Variants in SLN observed in about 807,000 individuals in gnomAD.
The protein encoded by SLN is sarcolipin.
For missense variants in SLN, 34 were observed against 37.4 expected (o/e 0.91, Z 0.24); for synonymous variants, 19 against 14.4 (o/e 1.32, Z -0.72).
intron 1 of SLN, among the ~76,000 whole-genome samples, chr11:107,711,718 A>G (rs1383977092): frequency 6.6e-6 from 1 of 152,146 alleles, no homozygotes; most frequent in Non-Finnish European, 1.5e-5. Context: ...TAGAAAAAAG[A>G]CCATCTTCCA....
intron 1 of SLN, among the ~76,000 whole-genome samples, chr11:107,710,983 C>A (rs1406773193): frequency 2.0e-5 from 3 of 152,076 alleles, no homozygotes; most frequent in African/African-American, 7.2e-5. Flanking sequence ...ACAAAAGAAA[C>A]AGAGAATATG....
rs939920966 is a variant in SLN at position 107,707,859 on chromosome 11, G to A, written c.72C>T (p.Leu24=). ...CTCAGTACTGATAGGACCTCACAAG[G>A]AGCCACATAAGAATAACCGTAATCA... ...IVLITVILMW[L]LVRSYQY Residue 24 remains leucine, a synonymous_variant, in exon 2 of 2, where the codon CTC becomes CTT. Coordinates refer to ENST00000305991, the MANE Select transcript of SLN (RefSeq NM_003063.3). 4.3e-6 allele frequency: 7 copies of A among 1,613,708 alleles called. No individual in the cohort carries two copies. Among genetic ancestry groups the A allele is most frequent in the African/African-American group, 1.3e-5 (1 of 74,886 alleles).
Position 107,708,002 on chromosome 11 carries a change from C to A in SLN, c.-72G>T. 1 of 941,770 alleles carries A rather than the reference C, an allele frequency of 1.1e-6. No individual in the cohort carries two copies. Among genetic ancestry groups the A allele is most frequent in the East Asian group, 2.4e-5 (1 of 41,792 alleles). The allele number at this position is 941,770 out of a possible 1,614,324, so 58.3% of individuals were successfully genotyped here. A position where few individuals can be genotyped will look rare whatever the true frequency, so the allele number is the denominator to read the frequency against. On this transcript the variant is annotated 5_prime_UTR_variant, in exon 2 of 2. Transcript: ENST00000305991. ...ACCAAGGACCTCTGGCTTCTCCTCA[C>A]CTCCTGATAAAACATAACAAAGAAA...
chr11:107,708,482 T>G (rs2135742329), intron 1 of SLN, among the ~76,000 whole-genome samples: 1 of 152,216 alleles, frequency 6.6e-6, no homozygotes, highest in South Asian at 2.1e-4. Context: ...ATTTTGGACT[T>G]GCCAGTCTCT....
chr11:107,707,780 T>C lies in SLN; in HGVS notation c.*55A>G, dbSNP rs1041123122. The stretch of plus-strand genomic sequence containing the variant: ...ATGACAGCAGTGGGGTCTCAGGGCA[T>C]AGAGCAGGCAGCTCCGGAGCATCTC... On this transcript the variant is annotated 3_prime_UTR_variant, in exon 2 of 2. Transcript: ENST00000305991. 7 of 1,339,290 alleles carry C rather than the reference T, an allele frequency of 5.2e-6. No homozygotes were observed. Among genetic ancestry groups the C allele is most frequent in the African/African-American group, 1.4e-5 (1 of 69,226 alleles). 83.0% of individuals were successfully genotyped at this position (1,339,290 alleles called of 1,614,324 possible).
At position 107,707,977 on chromosome 11, in the gene SLN, A is replaced by G. The variant is rs747240166; in HGVS notation, c.-47T>C. Reference sequence around the variant, plus strand: ...ACTGCAGGCAGATTTCTGAGGGCACACCAAGGACCTCTGGCTTCTCCTCAC... The same window carrying G: ...ACTGCAGGCAGATTTCTGAGGGCACGCCAAGGACCTCTGGCTTCTCCTCAC... On this transcript the variant is annotated 5_prime_UTR_variant, in exon 2 of 2. Coordinates refer to ENST00000305991, the MANE Select transcript of SLN (RefSeq NM_003063.3). The G allele has an allele frequency of 1.5e-6, 2 of 1,349,764 alleles. No individual in the cohort carries two copies. Among genetic ancestry groups the G allele is most frequent in the Non-Finnish European group, 2.1e-6 (2 of 938,618 alleles). 83.6% of individuals were successfully genotyped at this position (1,349,764 alleles called of 1,614,324 possible).
intron 1 of SLN, among the ~76,000 whole-genome samples, chr11:107,710,381 T>TA (rs1462774445): frequency 2.6e-5 from 4 of 152,148 alleles, no homozygotes; most frequent in Non-Finnish European, 5.9e-5. Context: ...ATGAGAAAAA[T>TA]ACTATTGAAA....
Position 107,707,872 on chromosome 11 carries a change from A to T in SLN, c.59T>A (p.Ile20Asn). Residue 20 changes from isoleucine to asparagine, a missense_variant, in exon 2 of 2, where the codon ATT becomes AAT. Ile to Asn is a moderately radical substitution (Grantham distance 149, BLOSUM62 -3). Transcript: ENST00000305991. The part of the protein sequence containing the change: ...LNFTIVLITV[I>N]LMWLLVRSYQ... ...GGACCTCACAAGGAGCCACATAAGA[A>T]TAACCGTAATCAAGACAATAGTGAA... 1 of 1,614,048 alleles carries T rather than the reference A, an allele frequency of 6.2e-7. No individual in the cohort carries two copies. The highest frequency in any genetic ancestry group is 8.5e-7 in the Non-Finnish European group (1 of 1,179,970).
At chr11:107,711,851 C>T (rs1867214231) in intron 1 of SLN, 112 bp downstream of exon 1, 1 of 152,114 alleles carries the variant, frequency 6.6e-6, no homozygotes, top group Non-Finnish European at 1.5e-5. Context: ...CATGCTGTAT[C>T]CAAGGGGCAT....
chr11:107,711,962 C>A lies in SLN; in HGVS notation c.-76+1G>T, dbSNP rs1867215082. ...GCTAAGCATAAAAATCCTGCAGTTA[C>A]CTGAAGAGGATCAAAGACACACCCT... On this transcript the variant is annotated splice_donor_variant, in intron 1 of 1. Transcript: ENST00000305991. LOFTEE classifies it low-confidence loss of function (5UTR_SPLICE). The A allele has an allele frequency of 6.6e-6, 1 of 152,092 alleles. No homozygotes were observed. The highest frequency in any genetic ancestry group is 1.5e-5 in the Non-Finnish European group (1 of 67,988). The allele number at this position is 152,092 out of a possible 1,614,324, so 9.4% of individuals were successfully genotyped here.
chr11:107,710,386 T>C (rs1867199502), intron 1 of SLN, among the ~76,000 whole-genome samples: 2 of 152,316 alleles, frequency 1.3e-5, no homozygotes, highest in South Asian at 4.1e-4. Context: ...AAAAATACTA[T>C]TGAAAGCTGT....
In SLN at chr11:107,709,227, G is replaced by T. The variant is rs1867185997; in HGVS notation, c.-75-1222C>A. Among the ~76,000 whole-genome samples the T allele has an allele frequency of 2.0e-5, 3 of 152,160 alleles. No homozygotes were observed. The South Asian group carries it at 6.2e-4, about 32-fold the overall frequency. On this transcript the variant is annotated intron_variant, in intron 1 of 1. Transcript: ENST00000305991. ...TGTCTTCAGTGAGATGGTGTAAATT[G>T]CACATTATTTATGCAGCCTAAATGA...
At chr11:107,711,131 T>G in intron 1 of SLN, among the ~76,000 whole-genome samples, 1 of 152,172 alleles carries the variant, frequency 6.6e-6, no homozygotes, top group East Asian at 1.9e-4. Flanking sequence ...TGATCAAGAA[T>G]GGGCTTCTGG....
At chr11:107,709,680 C>CA (rs34295984) in intron 1 of SLN, among the ~76,000 whole-genome samples, 27 of 149,800 alleles carry the variant, frequency 1.8e-4, no homozygotes, top group African/African-American at 5.1e-4. Flanking sequence ...GACCCTGTCT[C>CA]AAAAAAAAAT....
intron 1 of SLN, among the ~76,000 whole-genome samples, chr11:107,708,946 C>T (rs1173744710): frequency 6.6e-6 from 1 of 152,212 alleles, no homozygotes; most frequent in Admixed American, 6.5e-5. Context: ...CTGACAAGTC[C>T]TGCATTGGGC....
rs1461531709 is a variant in SLN at position 107,707,845 on chromosome 11, T to C, written c.86A>G (p.Tyr29Cys). Reference protein sequence around the residue: ...VILMWLLVRSYQY With the variant: ...VILMWLLVRSCQY ...CCATGGCATGGCCTCTCAGTACTGA[T>C]AGGACCTCACAAGGAGCCACATAAG... Residue 29 changes from tyrosine to cysteine, a missense_variant, in exon 2 of 2, where the codon TAT becomes TGT. Transcript: ENST00000305991. The C allele has an allele frequency of 1.9e-6, 3 of 1,609,438 alleles. No homozygotes were observed. The highest frequency in any genetic ancestry group is 2.2e-5 in the East Asian group (1 of 44,840).
chr11:107,709,616 G>A (rs1013674780), intron 1 of SLN, among the ~76,000 whole-genome samples: 2 of 152,180 alleles, frequency 1.3e-5, no homozygotes, highest in African/African-American at 2.4e-5. Context: ...GGAAGCTGAG[G>A]TGGGAGGATC....
At chr11:107,708,657 T>C (rs1867180002) in intron 1 of SLN, among the ~76,000 whole-genome samples, 1 of 152,202 alleles carries the variant, frequency 6.6e-6, no homozygotes, top group African/African-American at 2.4e-5. Context: ...TTTTTTCCTG[T>C]GATGATCGTA....
intron 1 of SLN, among the ~76,000 whole-genome samples, chr11:107,709,211 T>C (rs1376382572): frequency 6.6e-6 from 1 of 152,230 alleles, no homozygotes; most frequent in Non-Finnish European, 1.5e-5. Context: ...TTGTCTTCAG[T>C]GAGATGGTGT....
Sources: gnomAD v4.1 joint callset for allele counts (sites outside exome capture counted in the v4.1 genomes callset) on GRCh38, gnomAD v4.1.1 for gene constraint, MANE v1.5 for transcripts, NCBI Gene and HGNC (gene_info 2026-07-23, HGNC 2026-07-21) for gene names.